The following OR51B5 variants were observed in gnomAD, a reference collection of about 807,000 sequenced individuals.
OR51B5 encodes olfactory receptor family 51 subfamily B member 5.
For synonymous variants in OR51B5, 186 were observed against 144.8 expected, an observed-to-expected ratio of 1.28 and a Z score of -2.04; for missense variants, 456 against 374.6, an observed-to-expected ratio of 1.22 and a Z score of -1.79.
intron 1 of OR51B5, among the ~76,000 whole-genome samples, chr11:5,465,477 CAA>C (rs1210744978): frequency 6.6e-6 from 1 of 151,664 alleles, no homozygotes; most frequent in Non-Finnish European, 1.5e-5. Flanking sequence ...CATATGGAAC[CAA>C]AAAAGAGCCC....
chr11:5,390,069 T>C (rs1056707976), intron 1 of OR51B5: 2 of 1,613,768 alleles, frequency 1.2e-6, no homozygotes, highest in Non-Finnish European at 1.7e-6. Flanking sequence ...CTGGACCTGG[T>C]GCTCATCGCA....
chr11:5,379,703 A>T (rs76982787), intron 1 of OR51B5, among the ~76,000 whole-genome samples: 2,787 of 144,782 alleles, frequency 0.019, 92 homozygotes, highest in African/African-American at 0.067. Flanking sequence ...TTTTATGTCC[A>T]GATGTTGAAA....
chr11:5,353,091 A>C (rs1288757935), intron 1 of OR51B5, among the ~76,000 whole-genome samples: 1 of 151,820 alleles, frequency 6.6e-6, no homozygotes, highest in Non-Finnish European at 1.5e-5. Flanking sequence ...CTGTTTCTAG[A>C]AAATTGCACG....
At chr11:5,413,512 GGC>G (rs1850184674) in intron 1 of OR51B5, among the ~76,000 whole-genome samples, 1 of 151,874 alleles carries the variant, frequency 6.6e-6, no homozygotes, top group Non-Finnish European at 1.5e-5. Context: ...TCAAACCAAA[GGC>G]AAAGAAGTTA....
chr11:5,356,044 C>T (rs1256174759), intron 1 of OR51B5, among the ~76,000 whole-genome samples: 1 of 151,972 alleles, frequency 6.6e-6, no homozygotes, highest in African/African-American at 2.4e-5. Context: ...AGCAGAAAAA[C>T]TGGAAACTCT....
chr11:5,389,314 A>C, intron 1 of OR51B5: 7 of 1,276,824 alleles, frequency 5.5e-6, no homozygotes, highest in Non-Finnish European at 7.8e-6. Flanking sequence ...TGACCATGGT[A>C]CTGCTTGTGA....
intron 1 of OR51B5, among the ~76,000 whole-genome samples, chr11:5,439,254 G>T (rs1323484951): frequency 6.6e-6 from 1 of 152,054 alleles, no homozygotes; most frequent in Non-Finnish European, 1.5e-5. Flanking sequence ...ATGACTGTGG[G>T]GTGGCTGGAA....
intron 1 of OR51B5, among the ~76,000 whole-genome samples, chr11:5,374,950 A>T (rs1849500596): frequency 1.3e-5 from 2 of 151,940 alleles, no homozygotes. Context: ...CTAGCAAGGC[A>T]GGCCAACATT....
At chr11:5,416,015 CA>C (rs144279815) in intron 1 of OR51B5, among the ~76,000 whole-genome samples, 102,856 of 129,834 alleles carry the variant, frequency 0.79, 41,220 homozygotes, top group Non-Finnish European at 0.87. Context: ...AACATTGATG[CA>C]AAAATCCTCA....
chr11:5,343,474 G>T, exon 1 of OR51B5: 4 of 1,518,962 alleles, frequency 2.6e-6, no homozygotes, highest in Non-Finnish European at 3.6e-6. Flanking sequence ...CTTCCTCCAA[G>T]CCTGGAAAAC....
chr11:5,347,716 ATACC>A (rs1290118781), upstream of OR51B5, among the ~76,000 whole-genome samples: 1 of 152,108 alleles, frequency 6.6e-6, no homozygotes, highest in African/African-American at 2.4e-5. Context: ...TCAAAGCCCA[ATACC>A]CACAAGGCTG....
intron 1 of OR51B5, chr11:5,441,483 G>A (rs748751597): frequency 1.1e-5 from 18 of 1,612,670 alleles, no homozygotes; most frequent in African/African-American, 5.3e-5. Context: ...GAGTGTTGCT[G>A]GCTGGAAGGG....
chr11:5,425,314 C>T (rs1472452), intron 1 of OR51B5, among the ~76,000 whole-genome samples: 74,609 of 151,998 alleles, frequency 0.49, 18,749 homozygotes, highest in Non-Finnish European at 0.54. Context: ...GTTGGTTTTT[C>T]AAAAGAGGAG....
intron 1 of OR51B5, among the ~76,000 whole-genome samples, chr11:5,467,894 A>G (rs992271443): frequency 3.3e-5 from 5 of 152,216 alleles, no homozygotes; most frequent in African/African-American, 9.6e-5. Flanking sequence ...GTCATGCCCA[A>G]TGATGACAGC....
In OR51B5 at chr11:5,422,464, G is replaced by C. The variant is rs1850356477; in HGVS notation, n.85-75554C>G. ...TACCCACAGTCATGCAGCTTCTCTGGTTCAACGTTCGTAGAATCAGCTCTG... is the reference window on the plus strand; with the variant it reads ...TACCCACAGTCATGCAGCTTCTCTGCTTCAACGTTCGTAGAATCAGCTCTG... On this transcript the variant is annotated intron_variant and non_coding_transcript_variant, in intron 1 of 4. Transcript: ENST00000415970. 1.2e-6 allele frequency: 2 copies of C among 1,613,992 alleles called. No homozygotes were observed. The highest frequency in any genetic ancestry group is 2.2e-5 in the East Asian group (1 of 44,874).
intron 1 of OR51B5, among the ~76,000 whole-genome samples, chr11:5,372,452 T>C (rs960617960): frequency 1.3e-5 from 2 of 152,154 alleles, no homozygotes; most frequent in African/African-American, 2.4e-5. Flanking sequence ...TTTTTGATAA[T>C]AGCCATCTCA....
At chr11:5,452,134 T>C (rs771591768) in intron 1 of OR51B5, among the ~76,000 whole-genome samples, 1 of 152,194 alleles carries the variant, frequency 6.6e-6, no homozygotes, top group African/African-American at 2.4e-5. Context: ...TATGAGTGTG[T>C]ATACATGTAT....
chr11:5,402,594 A>C (rs1404552290), intron 1 of OR51B5: 1 of 468,172 alleles, frequency 2.1e-6, no homozygotes, highest in African/African-American at 2.0e-5. Flanking sequence ...ATGATATGTC[A>C]ACATGAAAAT....
intron 1 of OR51B5, among the ~76,000 whole-genome samples, chr11:5,406,026 G>C (rs1015578010): frequency 2.6e-5 from 4 of 152,180 alleles, no homozygotes; most frequent in Admixed American, 1.3e-4. Flanking sequence ...AGTAACATTA[G>C]AGTATCTGTA....
Sources: gnomAD v4.1 joint callset for allele counts (sites outside exome capture counted in the v4.1 genomes callset) on GRCh38, gnomAD v4.1.1 for gene constraint, MANE v1.5 for transcripts, NCBI Gene and HGNC (gene_info 2026-07-23, HGNC 2026-07-21) for gene names.